BMX: variants seen among roughly 807,000 people sequenced by gnomAD.
BMX encodes the protein BMX non-receptor tyrosine kinase, also known as cytoplasmic tyrosine-protein kinase BMX.
Under a neutral mutation model 59.2 loss-of-function variants are expected in BMX, and 31 were observed. The ratio of observed to expected loss-of-function variants is 0.52; its 90% CI spans 0.39 to 0.71. The LOEUF (loss-of-function observed/expected upper bound fraction) is 0.71, where lower values mean the gene tolerates loss of function less well. BMX is among the 30% of genes least tolerant of loss of function. The pLI, the probability that BMX is intolerant of heterozygous loss-of-function variation, is 0.00. For missense variants in BMX, 474 were observed against 491.7 expected (o/e 0.96, Z 0.34); for synonymous variants, 185 against 181.0 (o/e 1.02, Z -0.18).
chrX:15,542,489 A>G (rs1925741542), intron 15 of BMX, among the ~76,000 whole-genome samples: 1 of 111,491 alleles, frequency 9.0e-6, no homozygotes. Context: ...TCTCAAAACC[A>G]TTAAACCCAA....
chrX:15,520,457 T>C (rs1389539082), intron 6 of BMX, among the ~76,000 whole-genome samples: 1 of 111,851 alleles, frequency 8.9e-6, no homozygotes, highest in African/African-American at 3.3e-5. Context: ...GTGATAGTTA[T>C]ACAAGTTGAT....
At chrX:15,538,683 G>A (rs922070834) in intron 14 of BMX, among the ~76,000 whole-genome samples, 21 of 111,937 alleles carry the variant, frequency 1.9e-4, no homozygotes, top group African/African-American at 6.8e-4. Context: ...GAGTCGGCAA[G>A]CTAGTAAAAG....
At chrX:15,542,339 A>AT in intron 15 of BMX, 141 bp downstream of exon 15, 1 of 525,380 alleles carries the variant, frequency 1.9e-6, no homozygotes. Flanking sequence ...AGCAAATGAC[A>AT]TTTTTACAAA....
Position 15,542,116 on chromosome X carries a change from C to T in BMX, c.1529C>T (p.Pro510Leu), listed in dbSNP as rs953291130. ...YLRSHGKGLEPSQLLEMCYDV... is the reference protein window; with the variant it reads ...YLRSHGKGLELSQLLEMCYDV... ...AGGAGTCACGGAAAAGGACTTGAAC[C>T]TTCCCAGCTCTTAGAAATGTGCTAC... The change falls in exon 15 of 19, where the codon CCT (proline) becomes CTT (leucine). Residue 510 changes from proline to leucine, a missense_variant. Transcript: ENST00000348343. 1.2e-5 allele frequency: 15 copies of T among 1,209,834 alleles called. No individual in the cohort carries two copies. In the Middle Eastern group the frequency reaches 9.2e-4, roughly 74 times the overall value.
chrX:15,551,732 G>C (rs1364617298), intron 18 of BMX, among the ~76,000 whole-genome samples: 1 of 110,599 alleles, frequency 9.0e-6, no homozygotes, highest in East Asian at 2.8e-4. Context: ...TGGAATATGA[G>C]CACTCTGTAA....
chrX:15,526,281 C>T (rs1230051915), intron 9 of BMX, among the ~76,000 whole-genome samples, 186 bp downstream of exon 9: 2 of 112,039 alleles, frequency 1.8e-5, no homozygotes, highest in Non-Finnish European at 3.8e-5. Context: ...TTGTTACCAA[C>T]GAAAATATTT....
At position 15,510,826 on chromosome X, in the gene BMX, C is replaced by T. The variant is rs187248551; in HGVS notation, c.244-611C>T. On this transcript the variant is annotated intron_variant, in intron 3 of 18. Transcript: ENST00000348343. ...AGAGTTGAATAAACTAGAGAAGGAT[C>T]TGGAGAAGATATTGTAATCTTCAAA... 5.5e-4 allele frequency among the ~76,000 whole-genome samples: 62 copies of T among 112,290 alleles called. 1 individual carries two copies. The highest frequency in any genetic ancestry group is 2.0e-3 in the African/African-American group (62 of 30,885).
rs376838639 is a variant in BMX at position 15,530,039 on chromosome X, T to A, written c.939+12T>A. ...TACTCAGACAAAAGGTAAATAGTCT[T>A]GTCTTTAAAACAGCCTCACAGAATC... On this transcript the variant is annotated intron_variant, in intron 10 of 18. Coordinates refer to ENST00000348343, the MANE Select transcript of BMX (RefSeq NM_203281.3). 9 of 1,199,431 alleles carry A rather than the reference T, an allele frequency of 7.5e-6. No homozygotes were observed. Among genetic ancestry groups the A allele is most frequent in the Non-Finnish European group, 1.0e-5 (9 of 885,395 alleles).
chrX:15,512,144 G>A (rs1035300708), intron 4 of BMX, among the ~76,000 whole-genome samples: 1 of 111,627 alleles, frequency 9.0e-6, no homozygotes, highest in East Asian at 2.8e-4. Flanking sequence ...CAAAACTGAA[G>A]ATTTAATGAA....
intron 6 of BMX, among the ~76,000 whole-genome samples, chrX:15,518,883 T>C (rs1924298106): frequency 8.9e-6 from 1 of 112,128 alleles, no homozygotes; most frequent in Non-Finnish European, 1.9e-5. Context: ...TGTAGTTTTA[T>C]GACAGGGGAG....
At chrX:15,506,912 A>T (rs1923763970) in intron 1 of BMX, among the ~76,000 whole-genome samples, 1 of 113,110 alleles carries the variant, frequency 8.8e-6, no homozygotes, top group Non-Finnish European at 1.9e-5. Context: ...TAAGATTTCC[A>T]CTACTTCTGT....
At chrX:15,521,425 G>C (rs1371578375) in intron 6 of BMX, among the ~76,000 whole-genome samples, 1 of 112,100 alleles carries the variant, frequency 8.9e-6, no homozygotes, top group Non-Finnish European at 1.9e-5. Flanking sequence ...ATATACAACT[G>C]TTTTGGTTTC....
intron 1 of BMX, among the ~76,000 whole-genome samples, chrX:15,505,475 T>C (rs747441076): frequency 1.8e-5 from 2 of 112,038 alleles, no homozygotes; most frequent in East Asian, 5.6e-4. Flanking sequence ...AAGTGCACAG[T>C]ATGTGAACCC....
rs1601648555 is a variant in BMX, at chrX:15,531,510, G to T, written c.1019+103G>T. 1.8e-5 allele frequency: 13 copies of T among 702,955 alleles called. No individual in the cohort carries two copies. In the East Asian group the frequency reaches 4.4e-4, roughly 24 times the overall value. 57.9% of individuals were successfully genotyped at this position (702,955 alleles called of 1,213,427 possible). A position where few individuals can be genotyped will look rare whatever the true frequency, so the allele number is the denominator to read the frequency against. On this transcript the variant is annotated intron_variant, in intron 11 of 18. Coordinates refer to ENST00000348343, the MANE Select transcript of BMX (RefSeq NM_203281.3). ...GATAAGACATCATCTTTAAACTCTG[G>T]AATTTTAAATCAAAGTATTTCTATT...
At position 15,516,147 on chromosome X, in the gene BMX, C is replaced by T; in HGVS notation, c.361C>T (p.His121Tyr). The T allele has an allele frequency of 4.1e-6, 5 of 1,211,208 alleles. No individual in the cohort carries two copies. Among genetic ancestry groups the T allele is most frequent in the Non-Finnish European group, 5.6e-6 (5 of 894,896 alleles). The change falls in exon 5 of 19, where the codon CAT becomes TAT. Residue 121 changes from histidine to tyrosine, a missense_variant. Transcript: ENST00000348343. ...RGNPHLLVKY[H>Y]SGFFVDGKFL... Reference sequence around the variant, plus strand: ...TAACCCCCACCTGCTGGTCAAGTACCATAGTGGGTTCTTCGTGGACGGGAA... The same window carrying T: ...TAACCCCCACCTGCTGGTCAAGTACTATAGTGGGTTCTTCGTGGACGGGAA...
At chrX:15,522,751 G>A (rs1456602901) in intron 7 of BMX, among the ~76,000 whole-genome samples, 164 bp downstream of exon 7, 1 of 112,270 alleles carries the variant, frequency 8.9e-6, no homozygotes, top group Non-Finnish European at 1.9e-5. Flanking sequence ...CCCCACTGGG[G>A]CTGAGAAGCA....
chrX:15,526,153 C>G (rs951538168), intron 9 of BMX, 58 bp downstream of exon 9: 25 of 1,057,433 alleles, frequency 2.4e-5, no homozygotes, highest in Non-Finnish European at 3.2e-5. Context: ...CTTCTACTCT[C>G]TTCCTCAAAG....
chrX:15,537,345 T>C (rs373542944), intron 14 of BMX, 40 bp downstream of exon 14: 2 of 1,191,569 alleles, frequency 1.7e-6, no homozygotes, highest in African/African-American at 3.5e-5. Flanking sequence ...GCCCTCATCA[T>C]GGGAGGGCAT....
chrX:15,548,075 C>G (rs970777631), intron 17 of BMX, among the ~76,000 whole-genome samples: 1 of 111,706 alleles, frequency 9.0e-6, no homozygotes, highest in Non-Finnish European at 1.9e-5. Context: ...CAAATACACA[C>G]AGAAAAAGAA....
Sources: gnomAD v4.1 joint callset for allele counts (sites outside exome capture counted in the v4.1 genomes callset) on GRCh38, gnomAD v4.1.1 for gene constraint, MANE v1.5 for transcripts, NCBI Gene and HGNC (gene_info 2026-07-23, HGNC 2026-07-21) for gene names.